Variants in ANK2 observed in about 807,000 individuals in gnomAD.
ANK2 encodes the protein ankyrin-2.
ANK2 carries 83 observed loss-of-function variants against 360.5 expected under a neutral mutation model. The observed-to-expected ratio is 0.23, with a 90% CI of 0.19 to 0.28. ANK2 has a LOEUF of 0.28. Among genes scored for constraint, ANK2 ranks in the 10% least tolerant of loss-of-function variants. The probability of loss-of-function intolerance (pLI) is 1.00; values close to 1 mark genes in which losing one functional copy is unlikely to be tolerated. For synonymous variants in ANK2, 1,740 were observed against 1,759.5 expected (o/e 0.99, Z 0.28); for missense variants, 4,201 against 4,795.7 (o/e 0.88, Z 3.66).
intron 32 of ANK2, among the ~76,000 whole-genome samples, chr4:113,340,138 A>T (rs778877097): frequency 6.6e-6 from 1 of 152,188 alleles, no homozygotes; most frequent in South Asian, 2.1e-4. Context: ...TGTTTTGCCA[A>T]TTTAGCATCT....
At chr4:113,330,575 A>G (rs776362098) in intron 27 of ANK2, 105 bp downstream of exon 27, 2 of 1,166,432 alleles carry the variant, frequency 1.7e-6, no homozygotes, top group African/African-American at 1.5e-5. Flanking sequence ...CCATTTTGAA[A>G]GAGGATCAGC....
intron 1 of ANK2, among the ~76,000 whole-genome samples, chr4:112,845,841 C>T (rs2063165708): frequency 6.6e-6 from 1 of 152,186 alleles, no homozygotes; most frequent in South Asian, 2.1e-4. Flanking sequence ...GGGATGTTGT[C>T]TTCACATCGG....
intron 39 of ANK2, 84 bp from the exon 40 acceptor site, chr4:113,363,254 C>A: frequency 7.3e-7 from 1 of 1,369,736 alleles, no homozygotes; most frequent in Non-Finnish European, 1.0e-6. Context: ...ATAAAGAACA[C>A]ATCATTTACA....
At chr4:113,182,420 A>G (rs972925486) in intron 2 of ANK2, among the ~76,000 whole-genome samples, 1 of 152,192 alleles carries the variant, frequency 6.6e-6, no homozygotes, top group African/African-American at 2.4e-5. Flanking sequence ...TATAGATAGT[A>G]TTCAAAACCG....
intron 2 of ANK2, among the ~76,000 whole-genome samples, chr4:113,001,909 C>G (rs1483810423): frequency 6.6e-6 from 1 of 152,152 alleles, no homozygotes; most frequent in Non-Finnish European, 1.5e-5. Flanking sequence ...GGCACATGCT[C>G]CAGCCAGAAA....
intron 1 of ANK2, among the ~76,000 whole-genome samples, chr4:112,884,520 A>C (rs992556840): frequency 7.9e-5 from 12 of 152,298 alleles, no homozygotes; most frequent in African/African-American, 2.9e-4. Context: ...CAGACATTAA[A>C]AAGTATAAAA....
At position 113,126,656 on chromosome 4, in the gene ANK2, C is replaced by T. The variant is rs548112885; in HGVS notation, c.85-47760C>T. The stretch of plus-strand genomic sequence containing the variant: ...GAGAAAAGCCATCTGTGAAATCACA[C>T]GTTTCCATTACTGGGGAGAAGGGAG... On this transcript the variant is annotated intron_variant, in intron 1 of 45. Coordinates refer to ENST00000357077, the MANE Select transcript of ANK2 (RefSeq NM_001148.6). 3.4e-4 allele frequency among the ~76,000 whole-genome samples: 52 copies of T among 152,210 alleles called. 1 individual carries two copies. Among genetic ancestry groups the T allele is most frequent in the African/African-American group, 9.9e-4 (41 of 41,542 alleles).
the ANK2 span, among the ~76,000 whole-genome samples, chr4:112,711,653 C>A: frequency 6.6e-6 from 1 of 151,662 alleles, no homozygotes; most frequent in Non-Finnish European, 1.5e-5. Flanking sequence ...CCTGTCTCTA[C>A]TAAAAATACA....
At chr4:112,807,284 T>A in the ANK2 span, among the ~76,000 whole-genome samples, 3 of 152,232 alleles carry the variant, frequency 2.0e-5, no homozygotes, top group Non-Finnish European at 4.4e-5. Context: ...AAGTGTCAGT[T>A]GAATTGAACT....
At chr4:113,013,182 C>T (rs1035457020) in intron 2 of ANK2, among the ~76,000 whole-genome samples, 24 of 152,050 alleles carry the variant, frequency 1.6e-4, no homozygotes, top group African/African-American at 3.1e-4. Flanking sequence ...CAATGAACTG[C>T]GCTCTAATTT....
intron 1 of ANK2, among the ~76,000 whole-genome samples, chr4:113,076,647 T>G (rs1018700428): frequency 5.9e-5 from 9 of 151,914 alleles, no homozygotes; most frequent in Non-Finnish European, 1.0e-4. Flanking sequence ...AATACAAAAA[T>G]TAGCCAAGCC....
chr4:113,249,651 A>G, intron 9 of ANK2, 113 bp from the exon 10 acceptor site: 1 of 962,394 alleles, frequency 1.0e-6, no homozygotes, highest in East Asian at 2.6e-5. Flanking sequence ...TCTATTACTT[A>G]TTTATTGAGT....
chr4:113,346,596 C>T (rs2094886280), intron 35 of ANK2, among the ~76,000 whole-genome samples: 1 of 152,010 alleles, frequency 6.6e-6, no homozygotes, highest in Non-Finnish European at 1.5e-5. Flanking sequence ...ACCTGTAGTC[C>T]CAGCTACTCT....
chr4:112,710,243 ATCT>A, the ANK2 span, among the ~76,000 whole-genome samples: 9 of 152,314 alleles, frequency 5.9e-5, no homozygotes, highest in South Asian at 2.1e-4. Context: ...GTTACTTACT[ATCT>A]TCTTCTAATT....
intron 1 of ANK2, among the ~76,000 whole-genome samples, chr4:112,900,087 C>T (rs145226560): frequency 2.0e-3 from 305 of 152,208 alleles, no homozygotes; most frequent in African/African-American, 7.1e-3. Flanking sequence ...CTCATGTATC[C>T]ACTTAGCTTC....
chr4:112,999,767 C>G (rs2049959449), intron 2 of ANK2, among the ~76,000 whole-genome samples: 4 of 151,744 alleles, frequency 2.6e-5, no homozygotes, highest in African/African-American at 9.7e-5. Flanking sequence ...TTATTTGAAC[C>G]CCCTGGAATC....
intron 40 of ANK2, 104 bp from the exon 41 acceptor site, chr4:113,364,935 T>G: frequency 7.1e-7 from 1 of 1,409,524 alleles, no homozygotes; most frequent in Non-Finnish European, 1.0e-6. Context: ...GCTTTGATTG[T>G]TTTTTTCTGT....
chr4:113,054,872 G>A (rs1017142993), intron 1 of ANK2, among the ~76,000 whole-genome samples: 17 of 152,086 alleles, frequency 1.1e-4, no homozygotes, highest in Admixed American at 2.6e-4. Flanking sequence ...TCACTTTTAT[G>A]ATATTAATTT....
chr4:113,165,897 G>C (rs998896364), intron 1 of ANK2, among the ~76,000 whole-genome samples: 2 of 152,076 alleles, frequency 1.3e-5, no homozygotes, highest in African/African-American at 2.4e-5. Flanking sequence ...CTGACCTAAA[G>C]CTGTAGCAAA....
Sources: gnomAD v4.1 joint callset for allele counts (sites outside exome capture counted in the v4.1 genomes callset) on GRCh38, gnomAD v4.1.1 for gene constraint, MANE v1.5 for transcripts, NCBI Gene and HGNC (gene_info 2026-07-23, HGNC 2026-07-21) for gene names.